The following DGKI variants were observed in gnomAD, a reference collection of about 807,000 sequenced individuals.
DGKI encodes the protein diacylglycerol kinase iota, also known as DAG kinase iota.
A neutral mutation model predicts 147.5 loss-of-function variants in DGKI; 55 were observed. That is an observed-to-expected ratio of 0.37 (90% CI 0.30 to 0.47). The LOEUF (loss-of-function observed/expected upper bound fraction) is 0.47, where lower values mean the gene tolerates loss of function less well. Ranked by LOEUF, DGKI falls within the 20% of genes least tolerant of loss-of-function variation. DGKI has a pLI of 1.00. For synonymous variants in DGKI, 469 were observed against 477.1 expected (o/e 0.98, Z 0.22); for missense variants, 1,007 against 1,323.8 (o/e 0.76, Z 3.71).
At chr7:137,488,529 AT>A (rs80215243) in intron 21 of DGKI, among the ~76,000 whole-genome samples, 2,498 of 152,276 alleles carry the variant, frequency 0.016, 141 homozygotes, top group East Asian at 0.12. Context: ...TTAAAAAAAA[AT>A]CTACAAATTT....
intron 1 of DGKI, among the ~76,000 whole-genome samples, chr7:137,769,392 A>C (rs1796116453): frequency 6.6e-6 from 1 of 152,238 alleles, no homozygotes; most frequent in African/African-American, 2.4e-5. Context: ...GGGAAGATCA[A>C]ACTAGTACCA....
chr7:137,712,390 C>G (rs981724580), intron 1 of DGKI, among the ~76,000 whole-genome samples: 6 of 152,124 alleles, frequency 3.9e-5, no homozygotes, highest in African/African-American at 1.4e-4. Flanking sequence ...ACATTTAGAA[C>G]ATTTCATGTT....
intron 2 of DGKI, among the ~76,000 whole-genome samples, chr7:137,686,314 G>A (rs1823414350): frequency 6.6e-6 from 1 of 152,168 alleles, no homozygotes; most frequent in Non-Finnish European, 1.5e-5. Context: ...ATACTGGGTA[G>A]AGCCCAGTGT....
chr7:137,620,403 G>T (rs1820706074), intron 7 of DGKI, among the ~76,000 whole-genome samples: 1 of 152,140 alleles, frequency 6.6e-6, no homozygotes, highest in Admixed American at 6.5e-5. Flanking sequence ...AGAAGGAAAT[G>T]AACAGGCAGA....
chr7:137,719,156 C>T (rs1010858532), intron 1 of DGKI, among the ~76,000 whole-genome samples: 1 of 152,082 alleles, frequency 6.6e-6, no homozygotes, highest in Admixed American at 6.5e-5. Context: ...CTAGGAGTCT[C>T]TGAAGTCAAA....
intron 24 of DGKI, among the ~76,000 whole-genome samples, chr7:137,467,296 T>C (rs927164972): frequency 6.6e-6 from 1 of 152,252 alleles, no homozygotes; most frequent in Non-Finnish European, 1.5e-5. Context: ...AAACTTCTTA[T>C]ACAGACTATC....
At chr7:137,651,927 T>C (rs1335077868) in intron 5 of DGKI, among the ~76,000 whole-genome samples, 1 of 152,114 alleles carries the variant, frequency 6.6e-6, no homozygotes, top group East Asian at 1.9e-4. Flanking sequence ...TAGGAGATCA[T>C]AGGCAACACT....
intron 30 of DGKI, among the ~76,000 whole-genome samples, chr7:137,402,628 C>T (rs988030809): frequency 6.6e-6 from 1 of 152,186 alleles, no homozygotes; most frequent in African/African-American, 2.4e-5. Flanking sequence ...ACACCAATGC[C>T]TCCAAATCCC....
At chr7:137,665,660 C>T (rs1413491792) in intron 3 of DGKI, among the ~76,000 whole-genome samples, 4 of 152,162 alleles carry the variant, frequency 2.6e-5, no homozygotes, top group Admixed American at 2.6e-4. Flanking sequence ...AGATACTAGG[C>T]TGAACCCCAC....
At chr7:137,403,736 A>G (rs1811845966) in intron 30 of DGKI, among the ~76,000 whole-genome samples, 1 of 152,268 alleles carries the variant, frequency 6.6e-6, no homozygotes. Context: ...GACATAAACC[A>G]AATTGTAAAA....
At chr7:137,845,412 G>A (rs1798682337) in intron 1 of DGKI, among the ~76,000 whole-genome samples, 1 of 152,128 alleles carries the variant, frequency 6.6e-6, no homozygotes, top group African/African-American at 2.4e-5. Flanking sequence ...TTTTGGGAAG[G>A]GAACACTAAC....
intron 2 of DGKI, among the ~76,000 whole-genome samples, chr7:137,679,134 G>T (rs531791728): frequency 6.6e-6 from 1 of 152,264 alleles, no homozygotes; most frequent in South Asian, 2.1e-4. Flanking sequence ...ACCAGTAATA[G>T]GTAAATTATA....
intron 1 of DGKI, among the ~76,000 whole-genome samples, chr7:137,781,261 G>A (rs1796511726): frequency 6.6e-6 from 1 of 152,178 alleles, no homozygotes; most frequent in African/African-American, 2.4e-5. Flanking sequence ...GTCGGGAAAG[G>A]TGTAGCCCAG....
At chr7:137,511,389 A>T (rs559544226) in intron 21 of DGKI, among the ~76,000 whole-genome samples, 18 of 152,378 alleles carry the variant, frequency 1.2e-4, no homozygotes, top group Non-Finnish European at 1.9e-4. Flanking sequence ...GCAATAATTC[A>T]TCAGAAAGAA....
intron 1 of DGKI, among the ~76,000 whole-genome samples, chr7:137,817,690 C>G (rs974460925): frequency 6.6e-6 from 1 of 152,212 alleles, no homozygotes; most frequent in Admixed American, 6.5e-5. Context: ...ACCATCACTC[C>G]TACTGGAAAA....
chr7:137,730,779 T>C (rs1794856495), intron 1 of DGKI, among the ~76,000 whole-genome samples: 1 of 152,100 alleles, frequency 6.6e-6, no homozygotes, highest in African/African-American at 2.4e-5. Flanking sequence ...ACTCCCCACG[T>C]TAAAAATCCT....
rs558082353 is a variant in DGKI, at chr7:137,818,921, T to C, written c.401+27541A>G. 4.0e-4 allele frequency among the ~76,000 whole-genome samples: 61 copies of C among 152,318 alleles called. 1 individual carries two copies. Among genetic ancestry groups the C allele is most frequent in the Non-Finnish European group, 7.8e-4 (53 of 68,022 alleles). On this transcript the variant is annotated intron_variant, in intron 1 of 32. Transcript: ENST00000614521. Reference sequence around the variant, plus strand: ...TTAGAAATAACGTTAAACTTTAAAATAATGTTTTTCCCCTCAAATGACCTA... The same window carrying C: ...TTAGAAATAACGTTAAACTTTAAAACAATGTTTTTCCCCTCAAATGACCTA...
chr7:137,469,763 G>T (rs1397953394), intron 23 of DGKI, 144 bp from the exon 24 acceptor site: 2 of 554,838 alleles, frequency 3.6e-6, no homozygotes, highest in Non-Finnish European at 5.9e-6. Flanking sequence ...ACACAAAGAA[G>T]GGCTCTTTTT....
intron 5 of DGKI, among the ~76,000 whole-genome samples, chr7:137,645,914 T>C (rs1235805560): frequency 6.6e-6 from 1 of 152,186 alleles, no homozygotes; most frequent in Non-Finnish European, 1.5e-5. Context: ...CCAAAGATCT[T>C]TCATATCTGT....
Sources: gnomAD v4.1 joint callset for allele counts (sites outside exome capture counted in the v4.1 genomes callset) on GRCh38, gnomAD v4.1.1 for gene constraint, MANE v1.5 for transcripts, NCBI Gene and HGNC (gene_info 2026-07-23, HGNC 2026-07-21) for gene names.